WWOX: variants seen among roughly 807,000 people sequenced by gnomAD.
WWOX encodes WW domain-containing oxidoreductase.
In WWOX, 69 loss-of-function variants were observed where a neutral mutation model predicts 46.2. The ratio of observed to expected loss-of-function variants is 1.49; its 90% CI spans 1.23 to 1.82. The LOEUF (loss-of-function observed/expected upper bound fraction) is 1.82. WWOX is among the 40% of genes most tolerant of loss of function. The probability of loss-of-function intolerance (pLI) is 0.00; values close to 1 mark genes in which losing one functional copy is unlikely to be tolerated. For synonymous variants in WWOX, 359 were observed against 202.6 expected (o/e 1.77, Z -6.56); for missense variants, 919 against 542.6 (o/e 1.69, Z -6.89).
chr16:78,942,905 C>G (rs921995820), intron 8 of WWOX, among the ~76,000 whole-genome samples: 3 of 152,174 alleles, frequency 2.0e-5, no homozygotes, highest in Non-Finnish European at 4.4e-5. Context: ...TCTTTGCTGA[C>G]TGCCCATCCC....
At chr16:78,949,298 G>C (rs544042635) in intron 8 of WWOX, among the ~76,000 whole-genome samples, 1 of 152,080 alleles carries the variant, frequency 6.6e-6, no homozygotes, top group African/African-American at 2.4e-5. Context: ...CTGTGCCGTC[G>C]TGACTAGATA....
intron 8 of WWOX, among the ~76,000 whole-genome samples, chr16:78,530,345 A>C (rs539404489): frequency 6.6e-6 from 1 of 152,256 alleles, no homozygotes; most frequent in South Asian, 2.1e-4. Context: ...AGGTCTCATG[A>C]GCAAATTTTA....
At chr16:78,839,667 G>GT (rs1412636351) in intron 8 of WWOX, among the ~76,000 whole-genome samples, 3 of 152,116 alleles carry the variant, frequency 2.0e-5, no homozygotes, top group African/African-American at 7.2e-5. Context: ...TGGGGAGGGG[G>GT]TAGAATAAGG....
chr16:78,947,598 G>A (rs1287375933), intron 8 of WWOX, among the ~76,000 whole-genome samples: 1 of 152,216 alleles, frequency 6.6e-6, no homozygotes, highest in Non-Finnish European at 1.5e-5. Context: ...TAAGGCAGGG[G>A]TGTCTGTCCA....
At chr16:79,095,819 C>T (rs2049056168) in intron 8 of WWOX, among the ~76,000 whole-genome samples, 1 of 151,380 alleles carries the variant, frequency 6.6e-6, no homozygotes, top group African/African-American at 2.4e-5. Flanking sequence ...TCCAGGTTGC[C>T]CTCGCCTCCC....
intron 8 of WWOX, among the ~76,000 whole-genome samples, chr16:78,974,982 G>A (rs930790886): frequency 6.6e-6 from 1 of 152,138 alleles, no homozygotes; most frequent in African/African-American, 2.4e-5. Context: ...CTAGGCTTGT[G>A]GAAGGGACTC....
In WWOX at chr16:78,389,796, G is replaced by C. The variant is rs181391879; in HGVS notation, c.605+2848G>C. On this transcript the variant is annotated intron_variant, in intron 6 of 8. Coordinates refer to ENST00000566780, the MANE Select transcript of WWOX (RefSeq NM_016373.4). ...GACAGGGTCTCGCTGTGTTGCCCAG[G>C]CTGAAGTGCAGTGGTGCAATCTCTG... Among the ~76,000 whole-genome samples, 6 of 152,246 alleles carry C rather than the reference G, an allele frequency of 3.9e-5. No individual in the cohort carries two copies. The East Asian group carries it at 1.2e-3, about 29-fold the overall frequency.
chr16:78,224,278 C>T (rs1567439301), intron 5 of WWOX, among the ~76,000 whole-genome samples: 1 of 152,144 alleles, frequency 6.6e-6, no homozygotes, highest in Non-Finnish European at 1.5e-5. Flanking sequence ...GCTGGGATTA[C>T]AGGTGTGAGC....
intron 5 of WWOX, among the ~76,000 whole-genome samples, chr16:78,196,994 A>G (rs2151770146): frequency 6.6e-6 from 1 of 152,318 alleles, no homozygotes; most frequent in East Asian, 1.9e-4. Context: ...TTACTTGTCT[A>G]ATATATAATT....
chr16:78,511,441 C>T (rs1193733459), intron 8 of WWOX, among the ~76,000 whole-genome samples: 2 of 152,208 alleles, frequency 1.3e-5, no homozygotes, highest in East Asian at 1.9e-4. Flanking sequence ...ATCCCATGCA[C>T]GTTGCAGGCA....
At chr16:78,879,310 A>G (rs1326454424) in intron 8 of WWOX, among the ~76,000 whole-genome samples, 1 of 152,220 alleles carries the variant, frequency 6.6e-6, no homozygotes, top group African/African-American at 2.4e-5. Flanking sequence ...TAAGAGCTTG[A>G]TAAATGGTGG....
intron 8 of WWOX, among the ~76,000 whole-genome samples, chr16:79,027,628 G>A (rs1396782343): frequency 6.6e-6 from 1 of 151,726 alleles, no homozygotes; most frequent in Non-Finnish European, 1.5e-5. Flanking sequence ...CTTTCCTATC[G>A]TGAATTCGGT....
chr16:78,564,647 C>G (rs1016768517), intron 8 of WWOX, among the ~76,000 whole-genome samples: 2 of 152,098 alleles, frequency 1.3e-5, no homozygotes, highest in African/African-American at 4.8e-5. Flanking sequence ...TGAGAATATT[C>G]CCTTCTTTTA....
chr16:78,884,366 G>T (rs1337144178), intron 8 of WWOX, among the ~76,000 whole-genome samples: 1 of 151,624 alleles, frequency 6.6e-6, no homozygotes. Context: ...GTACAAGAGT[G>T]TGTTTAGCAG....
In WWOX at chr16:78,365,575, C is replaced by T. The variant is rs2081517173; in HGVS notation, c.517-21285C>T. Among the ~76,000 whole-genome samples the T allele has an allele frequency of 1.3e-5, 2 of 152,258 alleles. 1 individual carries two copies. The highest frequency in any genetic ancestry group is 4.2e-4 in the South Asian group (2 of 4,818). On this transcript the variant is annotated intron_variant, in intron 5 of 8. Coordinates refer to ENST00000566780, the MANE Select transcript of WWOX (RefSeq NM_016373.4). ...TGTCCCCAGTAGGATTCTGGAATTCCCTGAATCATAGTGTTGCTTGTAATT... is the reference window on the plus strand; with the variant it reads ...TGTCCCCAGTAGGATTCTGGAATTCTCTGAATCATAGTGTTGCTTGTAATT...
intron 8 of WWOX, among the ~76,000 whole-genome samples, chr16:78,893,176 T>C (rs528190597): frequency 4.6e-5 from 7 of 150,864 alleles, no homozygotes; most frequent in Admixed American, 1.3e-4. Context: ...GACTATGAGA[T>C]GGAATGACTA....
At chr16:79,198,852 G>C (rs1437425819) in intron 8 of WWOX, among the ~76,000 whole-genome samples, 1 of 152,142 alleles carries the variant, frequency 6.6e-6, no homozygotes, top group South Asian at 2.1e-4. Flanking sequence ...GTTGTTGAAA[G>C]GTCACTATGA....
chr16:78,592,613 C>A (rs1361463244), intron 8 of WWOX, among the ~76,000 whole-genome samples: 4 of 152,162 alleles, frequency 2.6e-5, no homozygotes, highest in Admixed American at 2.6e-4. Context: ...AGAGCCAGAG[C>A]TGGAAGACAA....
intron 8 of WWOX, among the ~76,000 whole-genome samples, chr16:79,075,587 C>T (rs905744353): frequency 1.3e-5 from 2 of 150,824 alleles, no homozygotes; most frequent in Middle Eastern, 6.9e-3. Flanking sequence ...GAGTCTTGCT[C>T]TGTCACCCAG....
Sources: gnomAD v4.1 joint callset for allele counts (sites outside exome capture counted in the v4.1 genomes callset) on GRCh38, gnomAD v4.1.1 for gene constraint, MANE v1.5 for transcripts, NCBI Gene and HGNC (gene_info 2026-07-23, HGNC 2026-07-21) for gene names.